TRABD2B: variants seen among roughly 807,000 people sequenced by gnomAD.
TRABD2B encodes the protein TraB domain containing 2B.
Under a neutral mutation model 40.1 loss-of-function variants are expected in TRABD2B, and 14 were observed. The observed-to-expected ratio is 0.35, with a 90% confidence interval of 0.23 to 0.55. TRABD2B has a LOEUF of 0.55. TRABD2B is among the 20% of genes least tolerant of loss of function. The probability of loss-of-function intolerance (pLI) is 0.90; values close to 1 mark genes in which losing one functional copy is unlikely to be tolerated. For missense variants in TRABD2B, 541 were observed against 648.6 expected (o/e 0.83, Z 1.80); for synonymous variants, 263 against 277.0 (o/e 0.95, Z 0.50).
At chr1:47,957,535 G>A (rs1645442412) in intron 2 of TRABD2B, among the ~76,000 whole-genome samples, 1 of 152,200 alleles carries the variant, frequency 6.6e-6, no homozygotes, top group South Asian at 2.1e-4. Flanking sequence ...TGATGGAGCT[G>A]AAAACCATGG....
intron 2 of TRABD2B, among the ~76,000 whole-genome samples, chr1:47,916,761 C>T (rs1475734683): frequency 6.6e-6 from 1 of 152,094 alleles, no homozygotes; most frequent in Non-Finnish European, 1.5e-5. Flanking sequence ...AACGCCTTCC[C>T]ACCTGGCTCT....
intron 2 of TRABD2B, among the ~76,000 whole-genome samples, chr1:47,858,389 C>G (rs890750949): frequency 6.6e-6 from 1 of 152,008 alleles, no homozygotes; most frequent in Middle Eastern, 3.2e-3. Context: ...TCTTGAGTAG[C>G]TGGGACTACA....
intron 2 of TRABD2B, among the ~76,000 whole-genome samples, chr1:47,838,560 G>C (rs1387418481): frequency 6.6e-6 from 1 of 152,234 alleles, no homozygotes; most frequent in Non-Finnish European, 1.5e-5. Context: ...ACCCAAGAGT[G>C]TTGAACAATA....
At chr1:47,804,395 C>T (rs952929044) in intron 2 of TRABD2B, among the ~76,000 whole-genome samples, 1 of 152,220 alleles carries the variant, frequency 6.6e-6, no homozygotes. Flanking sequence ...GTGTCCATGT[C>T]GAGTTGATCC....
chr1:47,921,222 A>G (rs1644897791), intron 2 of TRABD2B, among the ~76,000 whole-genome samples: 1 of 152,204 alleles, frequency 6.6e-6, no homozygotes, highest in African/African-American at 2.4e-5. Context: ...GTCACGGTAG[A>G]CCAACTGCTG....
chr1:47,824,893 C>T (rs1202008574), intron 2 of TRABD2B, among the ~76,000 whole-genome samples: 5 of 152,210 alleles, frequency 3.3e-5, no homozygotes, highest in Non-Finnish European at 7.3e-5. Context: ...CAGCACCCTC[C>T]AACATATGCA....
At chr1:47,938,426 T>C (rs1411889152) in intron 2 of TRABD2B, among the ~76,000 whole-genome samples, 2 of 152,236 alleles carry the variant, frequency 1.3e-5, no homozygotes, top group Non-Finnish European at 2.9e-5. Context: ...TGGTCCTTTC[T>C]GTCTCAAGTC....
chr1:47,993,995 C>T (rs1238968827), intron 2 of TRABD2B, 39 bp downstream of exon 2: 1 of 1,507,112 alleles, frequency 6.6e-7, no homozygotes, highest in East Asian at 2.5e-5. Context: ...CCCAGGTACC[C>T]AGGGCTGTCA....
Position 47,950,941 on chromosome 1 carries a change from T to G in TRABD2B, c.666+43093A>C, listed in dbSNP as rs538804249. Among the ~76,000 whole-genome samples, 14 of 152,364 alleles carry G rather than the reference T, an allele frequency of 9.2e-5. No homozygotes were observed. In the South Asian group the frequency reaches 2.7e-3, roughly 29 times the overall value. On this transcript the variant is annotated intron_variant, in intron 2 of 6. Coordinates refer to ENST00000606738, the MANE Select transcript of TRABD2B (RefSeq NM_001194986.2). ...CACCTGGGACCTGAACCCTTGGGCC[T>G]GCTTCCAGTAGAGAAGAGGGTTTCA...
intron 2 of TRABD2B, among the ~76,000 whole-genome samples, chr1:47,958,605 A>G (rs1479073243): frequency 6.6e-6 from 1 of 151,260 alleles, no homozygotes; most frequent in Non-Finnish European, 1.5e-5. Context: ...AGATCAAAAG[A>G]GACAAAGAAG....
chr1:47,875,674 CAAAAAAAAAAAAAA>C (rs10541556), intron 2 of TRABD2B, among the ~76,000 whole-genome samples: 1 of 75,928 alleles, frequency 1.3e-5, no homozygotes, highest in African/African-American at 5.1e-5. Context: ...AACCCTGTCT[CAAAAAAAAAAAAAA>C]AAAAAAAAAA....
At chr1:47,795,916 C>A (rs543026163) in intron 3 of TRABD2B, among the ~76,000 whole-genome samples, 2 of 152,192 alleles carry the variant, frequency 1.3e-5, no homozygotes, top group Non-Finnish European at 2.9e-5. Context: ...ACTATACGCC[C>A]AGCCACATGG....
chr1:47,884,574 A>G (rs1000741019), intron 2 of TRABD2B, among the ~76,000 whole-genome samples: 1 of 152,086 alleles, frequency 6.6e-6, no homozygotes, highest in African/African-American at 2.4e-5. Context: ...TCAACAGTCC[A>G]TTCTCCACAC....
At chr1:47,767,353 C>T (rs887817417) in intron 6 of TRABD2B, among the ~76,000 whole-genome samples, 49 of 152,132 alleles carry the variant, frequency 3.2e-4, no homozygotes, top group Admixed American at 1.9e-3. Context: ...GAGGGCCTCC[C>T]GGAAGCAGGG....
In TRABD2B at chr1:47,997,313, G is replaced by A. The variant is rs1479764081; in HGVS notation, c.-524C>T. Reference sequence around the variant, plus strand: ...GGCTGCCCCCGAGCCCGGCTCAGAGGGGCGGCGGGCGGCCGCGCGGCCGCT... The same window carrying A: ...GGCTGCCCCCGAGCCCGGCTCAGAGAGGCGGCGGGCGGCCGCGCGGCCGCT... On this transcript the variant is annotated 5_prime_UTR_variant, in exon 1 of 7. Transcript: ENST00000606738. 1 of 706,046 alleles carries A rather than the reference G, an allele frequency of 1.4e-6. No homozygotes were observed. The allele number at this position is 706,046 out of a possible 1,614,324, so 43.7% of individuals were successfully genotyped here.
intron 2 of TRABD2B, among the ~76,000 whole-genome samples, chr1:47,812,664 A>G (rs1644981081): frequency 6.6e-6 from 1 of 152,202 alleles, no homozygotes; most frequent in South Asian, 2.1e-4. Context: ...GGCTGCAGTG[A>G]GCTATGATCT....
chr1:47,883,677 C>A (rs1432386515), intron 2 of TRABD2B, among the ~76,000 whole-genome samples: 1 of 151,868 alleles, frequency 6.6e-6, no homozygotes, highest in Admixed American at 6.6e-5. Context: ...ACTGTCTTCA[C>A]CAAAACACAT....
In TRABD2B at chr1:47,763,946, T is replaced by C. The variant is rs1402975188; in HGVS notation, c.*1956A>G. ...TTGAGGTCAAGTTCAGTTTAGAGCA[T>C]GGTGCCCACAGGGCTGGCTGGGCCC... is the stretch of plus-strand genomic sequence containing the variant. On this transcript the variant is annotated 3_prime_UTR_variant, in exon 7 of 7. Transcript: ENST00000606738. 5 of 152,278 alleles carry C rather than the reference T, an allele frequency of 3.3e-5. No homozygotes were observed. Among genetic ancestry groups the C allele is most frequent in the Non-Finnish European group, 5.9e-5 (4 of 68,070 alleles). 9.4% of individuals were successfully genotyped at this position (152,278 alleles called of 1,614,324 possible). A position where few individuals can be genotyped will look rare whatever the true frequency, so the allele number is the denominator to read the frequency against.
intron 2 of TRABD2B, among the ~76,000 whole-genome samples, chr1:47,826,666 T>C (rs28414891): frequency 6.6e-6 from 1 of 152,046 alleles, no homozygotes; most frequent in Non-Finnish European, 1.5e-5. Context: ...CTCAAACTCC[T>C]GGGCTCAAGC....
Sources: allele counts gnomAD v4.1 joint callset (sites outside exome capture counted in the v4.1 genomes callset), GRCh38; gene constraint gnomAD v4.1.1; transcripts MANE v1.5; gene names NCBI Gene and HGNC (gene_info 2026-07-23, HGNC 2026-07-21).